DGKB: variants seen among roughly 807,000 people sequenced by gnomAD.
The protein encoded by DGKB is diacylglycerol kinase beta, also known as 90 kDa diacylglycerol kinase.
DGKB carries 67 observed loss-of-function variants against 114.3 expected under a neutral mutation model. That is an observed-to-expected ratio of 0.59 (90% confidence interval 0.48 to 0.72). The LOEUF (loss-of-function observed/expected upper bound fraction) is 0.72. Among genes scored for constraint, DGKB ranks in the 30% least tolerant of loss-of-function variants. The pLI is 0.00. For synonymous variants in DGKB, 398 were observed against 323.1 expected (o/e 1.23, Z -2.49); for missense variants, 907 against 975.2 (o/e 0.93, Z 0.93).
At position 14,145,055 on chromosome 7, in the gene DGKB, G is replaced by A. The variant is rs1781339454; in HGVS notation, c.*4076C>T. Reference sequence around the variant, plus strand: ...GTAAGAAATGACACTGAACTGAGTGGTTAACGTTTTTATTTCAAAAAACAG... The same window carrying A: ...GTAAGAAATGACACTGAACTGAGTGATTAACGTTTTTATTTCAAAAAACAG... On this transcript the variant is annotated 3_prime_UTR_variant, in exon 26 of 26. Coordinates refer to ENST00000402815, the MANE Select transcript of DGKB (RefSeq NM_001350709.2). 1 of 152,012 alleles carries A rather than the reference G, an allele frequency of 6.6e-6. No homozygotes were observed. Among genetic ancestry groups the A allele is most frequent in the Non-Finnish European group, 1.5e-5 (1 of 68,012 alleles). 9.4% of individuals were successfully genotyped at this position (152,012 alleles called of 1,614,324 possible).
chr7:14,595,859 C>T (rs962171514), intron 17 of DGKB, among the ~76,000 whole-genome samples: 1 of 151,974 alleles, frequency 6.6e-6, no homozygotes, highest in East Asian at 1.9e-4. Flanking sequence ...GAATGTTCCA[C>T]TTAGCTTCAC....
rs1012211243 is a variant in DGKB at position 14,757,565 on chromosome 7, C to T, written c.147+90G>A. ...ATGTGTACATATACATACACACACA[C>T]ACACATACATTTTTCCAAGAATTGT... is the stretch of plus-strand genomic sequence containing the variant. On this transcript the variant is annotated intron_variant, in intron 3 of 25. Transcript: ENST00000402815. 3.0e-5 allele frequency: 22 copies of T among 731,718 alleles called. No homozygotes were observed. The Admixed American group carries it at 4.8e-4, about 16-fold the overall frequency. 45.3% of individuals were successfully genotyped at this position (731,718 alleles called of 1,614,324 possible). A position where few individuals can be genotyped will look rare whatever the true frequency, so the allele number is the denominator to read the frequency against.
intron 2 of DGKB, among the ~76,000 whole-genome samples, chr7:14,800,568 C>T (rs566402934): frequency 2.0e-5 from 3 of 152,314 alleles, no homozygotes; most frequent in South Asian, 2.1e-4. Context: ...GTCCTTGCTC[C>T]TCAGCTTGCA....
intron 21 of DGKB, among the ~76,000 whole-genome samples, chr7:14,428,616 C>T (rs185560594): frequency 6.6e-6 from 1 of 152,074 alleles, no homozygotes; most frequent in Admixed American, 6.6e-5. Flanking sequence ...TTCATTATTG[C>T]TCTTAAATGA....
At chr7:14,797,177 T>C (rs1841524748) in intron 2 of DGKB, among the ~76,000 whole-genome samples, 1 of 152,146 alleles carries the variant, frequency 6.6e-6, no homozygotes, top group African/African-American at 2.4e-5. Flanking sequence ...AGCAGCAAAG[T>C]TCTAGGTCAA....
chr7:14,820,847 G>A (rs1844827430), intron 2 of DGKB, among the ~76,000 whole-genome samples: 1 of 152,090 alleles, frequency 6.6e-6, no homozygotes. Context: ...AGCACAATGT[G>A]GCTCGGTAAT....
intron 20 of DGKB, among the ~76,000 whole-genome samples, chr7:14,478,464 A>G (rs985912117): frequency 1.3e-5 from 2 of 152,180 alleles, no homozygotes; most frequent in African/African-American, 4.8e-5. Context: ...TTACATTTAC[A>G]TCTAAGACTT....
chr7:14,429,761 A>C (rs1040046779), intron 21 of DGKB, among the ~76,000 whole-genome samples: 1 of 152,078 alleles, frequency 6.6e-6, no homozygotes, highest in Non-Finnish European at 1.5e-5. Flanking sequence ...TCTCTACTAA[A>C]AATACAAAAA....
rs112871741 is a variant in DGKB at position 14,754,085 on chromosome 7, C to T, written c.148-137G>A. 114 of 569,600 alleles carry T rather than the reference C, an allele frequency of 2.0e-4. 2 individuals are homozygous for T. The African/African-American group carries it at 2.0e-3, about 10-fold the overall frequency. The allele number at this position is 569,600 out of a possible 1,614,324, so 35.3% of individuals were successfully genotyped here. A position where few individuals can be genotyped will look rare whatever the true frequency, so the allele number is the denominator to read the frequency against. On this transcript the variant is annotated intron_variant, in intron 3 of 25. Coordinates refer to ENST00000402815, the MANE Select transcript of DGKB (RefSeq NM_001350709.2). ...AAACACACCCTAGATCCATAGGCCT[C>T]AAAAGGTGGTTCCGAAACAGTGGCA... is the stretch of plus-strand genomic sequence containing the variant.
intron 1 of DGKB, among the ~76,000 whole-genome samples, chr7:14,960,608 T>A (rs560664856): frequency 8.5e-5 from 13 of 152,212 alleles, no homozygotes; most frequent in Admixed American, 7.9e-4. Flanking sequence ...AAATTTATTA[T>A]ACAAATATAA....
chr7:14,248,930 A>G lies in DGKB; in HGVS notation c.2123-70779T>C, dbSNP rs371428466. 1.8e-4 allele frequency among the ~76,000 whole-genome samples: 27 copies of G among 152,252 alleles called. No individual in the cohort carries two copies. The East Asian group carries it at 4.6e-3, about 26-fold the overall frequency. On this transcript the variant is annotated intron_variant, in intron 23 of 25. Transcript: ENST00000402815. The stretch of plus-strand genomic sequence containing the variant: ...GTCTTGACTCATTCCTGATTTTAGG[A>G]GAAAAGCTTTCAACTTTTCACTGTT...
intron 23 of DGKB, among the ~76,000 whole-genome samples, chr7:14,288,878 A>G (rs1408111883): frequency 6.6e-6 from 1 of 152,172 alleles, no homozygotes; most frequent in East Asian, 1.9e-4. Context: ...AGAACAGCCC[A>G]CACCCATATG....
chr7:14,286,077 A>G (rs531821584), intron 23 of DGKB, among the ~76,000 whole-genome samples: 1 of 152,268 alleles, frequency 6.6e-6, no homozygotes, highest in African/African-American at 2.4e-5. Context: ...AAAGTTTGCA[A>G]TGTCAGAAAT....
At chr7:14,713,000 C>T (rs1166625700) in intron 6 of DGKB, among the ~76,000 whole-genome samples, 3 of 152,186 alleles carry the variant, frequency 2.0e-5, no homozygotes, top group Admixed American at 1.3e-4. Flanking sequence ...TCTGACAACA[C>T]GACAGCTTCC....
At chr7:14,512,258 C>T (rs1788094048) in intron 20 of DGKB, among the ~76,000 whole-genome samples, 1 of 152,146 alleles carries the variant, frequency 6.6e-6, no homozygotes, top group Non-Finnish European at 1.5e-5. Flanking sequence ...ACATGAAACA[C>T]AATCATAGAA....
In DGKB at chr7:14,757,475, C is replaced by CATATATAT. The variant is rs144689208; in HGVS notation, c.147+172_147+179dup. Among the ~76,000 whole-genome samples, 4 of 149,534 alleles carry CATATATAT rather than the reference C, an allele frequency of 2.7e-5. No homozygotes were observed. The East Asian group carries it at 5.9e-4, about 22-fold the overall frequency. ...TACATGGTAAATGGTTTATGGTGTG[C>CATATATAT]ATATATATATATATACACACACATA... On this transcript the variant is annotated intron_variant, in intron 3 of 25. Coordinates refer to ENST00000402815, the MANE Select transcript of DGKB (RefSeq NM_001350709.2).
chr7:14,248,914 C>T (rs1171024239), intron 23 of DGKB, among the ~76,000 whole-genome samples: 1 of 152,116 alleles, frequency 6.6e-6, no homozygotes, highest in Non-Finnish European at 1.5e-5. Context: ...AGTCTTGACT[C>T]ATTCCTGATT....
intron 8 of DGKB, among the ~76,000 whole-genome samples, chr7:14,695,464 C>A (rs1585725639): frequency 6.9e-6 from 1 of 145,110 alleles, no homozygotes; most frequent in Non-Finnish European, 1.5e-5. Flanking sequence ...TTGTAATCAA[C>A]CTCAAATGTT....
intron 2 of DGKB, among the ~76,000 whole-genome samples, chr7:14,758,928 G>GATAGATAGATAGATAGATAGATAC (rs376591211): frequency 6.7e-4 from 98 of 146,952 alleles, no homozygotes; most frequent in African/African-American, 2.3e-3. Flanking sequence ...TAGATAGATA[G>GATAGATAGATAGATAGATAGATAC]ATAGATACAT....
Sources: gnomAD v4.1 joint callset for allele counts (sites outside exome capture counted in the v4.1 genomes callset) on GRCh38, gnomAD v4.1.1 for gene constraint, MANE v1.5 for transcripts, NCBI Gene and HGNC (gene_info 2026-07-23, HGNC 2026-07-21) for gene names.